Variants in STAG1 observed in about 807,000 individuals in gnomAD.
STAG1 encodes cohesin subunit SA-1.
In STAG1, 26 loss-of-function variants were observed where a neutral mutation model predicts 170.9. The observed-to-expected ratio is 0.15, with a 90% CI of 0.11 to 0.21. The LOEUF (loss-of-function observed/expected upper bound fraction) is 0.21. Among genes scored for constraint, STAG1 ranks in the 10% least tolerant of loss-of-function variants. The pLI is 1.00. For synonymous variants in STAG1, 514 were observed against 497.7 expected (o/e 1.03, Z -0.44); for missense variants, 964 against 1,509.5 (o/e 0.64, Z 5.99).
intron 29 of STAG1, among the ~76,000 whole-genome samples, chr3:136,348,292 GTTTT>G (rs558291233): frequency 2.2e-5 from 3 of 139,026 alleles, no homozygotes; most frequent in Admixed American, 1.4e-4. Context: ...CAATTTTTAG[GTTTT>G]TTTTTTTTTT....
intron 3 of STAG1, among the ~76,000 whole-genome samples, chr3:136,605,939 T>G (rs1255221368): frequency 6.6e-6 from 1 of 152,220 alleles, no homozygotes; most frequent in African/African-American, 2.4e-5. Context: ...ATAGTCCTCT[T>G]TTCACTTCTG....
At chr3:136,567,783 G>C (rs545144781) in intron 5 of STAG1, among the ~76,000 whole-genome samples, 1 of 152,288 alleles carries the variant, frequency 6.6e-6, no homozygotes, top group African/African-American at 2.4e-5. Context: ...TGTTAACAAA[G>C]ATTAAATGAG....
At chr3:136,595,219 T>C (rs1351369743) in intron 4 of STAG1, among the ~76,000 whole-genome samples, 1 of 152,184 alleles carries the variant, frequency 6.6e-6, no homozygotes, top group African/African-American at 2.4e-5. Flanking sequence ...CAACATGTAT[T>C]TAATGTCACA....
intron 1 of STAG1, among the ~76,000 whole-genome samples, chr3:136,638,863 T>C (rs1017882): frequency 0.35 from 52,436 of 151,812 alleles, 11,317 homozygotes; most frequent in East Asian, 0.81. Context: ...GATCACGCCA[T>C]TGAACTCCAG....
At chr3:136,595,887 C>G (rs1244743431) in intron 4 of STAG1, among the ~76,000 whole-genome samples, 1 of 151,728 alleles carries the variant, frequency 6.6e-6, no homozygotes, top group Non-Finnish European at 1.5e-5. Context: ...TCTAAAATAC[C>G]ATCAATTTTA....
At chr3:136,618,700 A>G (rs1185262874) in intron 3 of STAG1, among the ~76,000 whole-genome samples, 1 of 152,216 alleles carries the variant, frequency 6.6e-6, no homozygotes, top group African/African-American at 2.4e-5. Context: ...CAGGAAAAGA[A>G]TAGTTTTTCT....
At position 136,337,925 on chromosome 3, in the gene STAG1, G is replaced by A. The variant is rs1295705338; in HGVS notation, c.*329C>T. 2 of 241,806 alleles carry A rather than the reference G, an allele frequency of 8.3e-6. No homozygotes were observed. The highest frequency in any genetic ancestry group is 1.6e-5 in the Non-Finnish European group (2 of 127,048). 15.0% of individuals were successfully genotyped at this position (241,806 alleles called of 1,614,324 possible). Reference sequence around the variant, plus strand: ...AATGTTGAGTTTTCATAAAACAGGTGTATAACAGTGTTTATCTTGACAGCT... The same window carrying A: ...AATGTTGAGTTTTCATAAAACAGGTATATAACAGTGTTTATCTTGACAGCT... On this transcript the variant is annotated 3_prime_UTR_variant, in exon 34 of 34. Transcript: ENST00000383202.
intron 1 of STAG1, among the ~76,000 whole-genome samples, chr3:136,671,020 C>G (rs903485092): frequency 6.6e-6 from 1 of 152,142 alleles, no homozygotes; most frequent in Non-Finnish European, 1.5e-5. Flanking sequence ...TGTGGTGACT[C>G]ACGCCTGTAA....
intron 21 of STAG1, among the ~76,000 whole-genome samples, chr3:136,404,893 A>G (rs933095899): frequency 4.8e-5 from 7 of 146,496 alleles, no homozygotes; most frequent in African/African-American, 1.2e-4. Flanking sequence ...GTGTGTGTGT[A>G]TACATGCATA....
chr3:136,587,634 G>C (rs1401581167), intron 4 of STAG1, among the ~76,000 whole-genome samples: 1 of 151,466 alleles, frequency 6.6e-6, no homozygotes, highest in African/African-American at 2.4e-5. Context: ...AAAATAAAGG[G>C]AAAACAGAAC....
intron 6 of STAG1, among the ~76,000 whole-genome samples, chr3:136,523,214 A>G (rs1934784184): frequency 2.0e-5 from 3 of 152,140 alleles, no homozygotes; most frequent in Admixed American, 2.0e-4. Flanking sequence ...ATTTCTCCCC[A>G]TCCTCTTCAG....
intron 5 of STAG1, among the ~76,000 whole-genome samples, chr3:136,547,770 C>G (rs920860760): frequency 6.6e-6 from 1 of 152,126 alleles, no homozygotes; most frequent in African/African-American, 2.4e-5. Context: ...TGGTGTTATT[C>G]CCATGAATTC....
chr3:136,397,769 C>A (rs1438978261), intron 22 of STAG1, among the ~76,000 whole-genome samples: 2 of 151,468 alleles, frequency 1.3e-5, no homozygotes, highest in Non-Finnish European at 2.9e-5. Flanking sequence ...CTCTTTTTGG[C>A]TTTCTTGATC....
chr3:136,383,474 C>T (rs17200503), intron 22 of STAG1, among the ~76,000 whole-genome samples: 8,220 of 152,058 alleles, frequency 0.054, 362 homozygotes, highest in Admixed American at 0.11. Flanking sequence ...AGCTGTAATT[C>T]ATTATGAAAA....
intron 7 of STAG1, among the ~76,000 whole-genome samples, chr3:136,520,495 GA>G (rs896845214): frequency 1.3e-4 from 20 of 151,610 alleles, no homozygotes; most frequent in African/African-American, 3.4e-4. Context: ...CATTATGAAT[GA>G]AAAAAATAGT....
intron 9 of STAG1, among the ~76,000 whole-genome samples, chr3:136,487,463 A>G (rs965501853): frequency 1.3e-5 from 2 of 152,164 alleles, no homozygotes; most frequent in Admixed American, 1.3e-4. Context: ...TCTACTTCAG[A>G]TGCCAGTTCA....
chr3:136,411,942 C>G (rs983142374), intron 21 of STAG1, among the ~76,000 whole-genome samples: 8 of 152,048 alleles, frequency 5.3e-5, no homozygotes, highest in Non-Finnish European at 1.2e-4. Context: ...CATGGACCAC[C>G]ACGCCCGGCT....
At chr3:136,644,258 T>TC (rs1940910376) in intron 1 of STAG1, among the ~76,000 whole-genome samples, 1 of 152,206 alleles carries the variant, frequency 6.6e-6, no homozygotes, top group Admixed American at 6.5e-5. Flanking sequence ...ACTGGAGTAT[T>TC]CCCCCAACAG....
chr3:136,380,038 G>C (rs752464107), intron 22 of STAG1, among the ~76,000 whole-genome samples: 3 of 152,076 alleles, frequency 2.0e-5, no homozygotes, highest in Non-Finnish European at 4.4e-5. Flanking sequence ...CACATACTGT[G>C]TTCCCAGAAC....
Sources: gnomAD v4.1 joint callset for allele counts (sites outside exome capture counted in the v4.1 genomes callset) on GRCh38, gnomAD v4.1.1 for gene constraint, MANE v1.5 for transcripts, NCBI Gene and HGNC (gene_info 2026-07-23, HGNC 2026-07-21) for gene names.